The following IL12RB1 variants were observed in gnomAD, a reference collection of about 807,000 sequenced individuals.
IL12RB1 encodes the protein interleukin 12 receptor subunit beta 1.
IL12RB1 carries 64 observed loss-of-function variants against 94.4 expected under a neutral mutation model. That is an observed-to-expected ratio of 0.68 (90% CI 0.55 to 0.83). The LOEUF (loss-of-function observed/expected upper bound fraction) is 0.83. Ranked by LOEUF, IL12RB1 falls within the 40% of genes least tolerant of loss-of-function variation. IL12RB1 has a pLI of 0.00. For synonymous variants in IL12RB1, 362 were observed against 355.5 expected, an observed-to-expected ratio of 1.02 and a Z score of -0.21; for missense variants, 814 against 855.6, an observed-to-expected ratio of 0.95 and a Z score of 0.61.
Position 18,068,437 on chromosome 19 carries a change from G to A in IL12RB1, c.1279C>T (p.Leu427Phe), listed in dbSNP as rs770296365. ...GACAGGACCGTAGACCACAAGGTGAGCTTCTCGGGGTGCGCAGAGGCAAAG... is the reference window on the plus strand; with the variant it reads ...GACAGGACCGTAGACCACAAGGTGAACTTCTCGGGGTGCGCAGAGGCAAAG... ...TIFASAHPEK[L>F]TLWSTVLSTY... The change falls in exon 11 of 17, where the codon CTC (leucine) becomes TTC (phenylalanine). Residue 427 changes from leucine to phenylalanine, a missense_variant. Transcript: ENST00000593993. 1 of 1,613,528 alleles carries A rather than the reference G, an allele frequency of 6.2e-7. No homozygotes were observed. Among genetic ancestry groups the A allele is most frequent in the Non-Finnish European group, 8.5e-7 (1 of 1,179,610 alleles).
At position 18,059,223 on chromosome 19, in the gene IL12RB1, C is replaced by A; in HGVS notation, c.*385G>T. 6.5e-6 allele frequency: 2 copies of A among 305,846 alleles called. No individual in the cohort carries two copies. The highest frequency in any genetic ancestry group is 1.3e-5 in the Non-Finnish European group (2 of 158,756). 18.9% of individuals were successfully genotyped at this position (305,846 alleles called of 1,614,324 possible). A position where few individuals can be genotyped will look rare whatever the true frequency, so the allele number is the denominator to read the frequency against. On this transcript the variant is annotated 3_prime_UTR_variant, in exon 17 of 17. Transcript: ENST00000593993. ...CCCTTCCCTATATGCCTGGATCCTC[C>A]AAGCTACAAGACCCCGCAATGCTGC...
chr19:18,059,678 G>A, intron 16 of IL12RB1, 65 bp from the exon 17 acceptor site: 2 of 778,396 alleles, frequency 2.6e-6, no homozygotes, highest in South Asian at 2.7e-5. Context: ...AGGGAATCAT[G>A]TGAGTGGATG....
chr19:18,089,616 C>G (rs995745019), upstream of IL12RB1, among the ~76,000 whole-genome samples: 3 of 141,254 alleles, frequency 2.1e-5, no homozygotes, highest in African/African-American at 8.0e-5. Context: ...GAGAGTGAGA[C>G]TATGTCTCAA....
intron 1 of IL12RB1, among the ~76,000 whole-genome samples, chr19:18,093,426 C>A (rs1047287214): frequency 6.6e-6 from 1 of 151,848 alleles, no homozygotes. Flanking sequence ...TCAGTCCAGT[C>A]AGTCACTCAA....
intron 4 of IL12RB1, among the ~76,000 whole-genome samples, chr19:18,079,648 G>A (rs961640840): frequency 4.6e-5 from 7 of 151,772 alleles, no homozygotes; most frequent in East Asian, 1.9e-4. Context: ...GGTGGCTCAC[G>A]CCTGTAATCC....
intron 1 of IL12RB1, among the ~76,000 whole-genome samples, chr19:18,086,224 G>GTAAA (rs71833814): frequency 0.022 from 3,119 of 140,742 alleles, 54 homozygotes; most frequent in Non-Finnish European, 0.029. Flanking sequence ...CCCTACCTCA[G>GTAAA]TAAATAAATA....
chr19:18,081,070 A>G (rs1002166711), intron 3 of IL12RB1, 69 bp from the exon 4 acceptor site: 10 of 1,368,870 alleles, frequency 7.3e-6, no homozygotes, highest in Non-Finnish European at 9.2e-6. Context: ...GACTTTGTGC[A>G]TCACATCCCA....
intron 1 of IL12RB1, chr19:18,097,723 C>A: frequency 9.3e-7 from 1 of 1,077,002 alleles, no homozygotes; most frequent in Non-Finnish European, 1.2e-6. Flanking sequence ...TGGCCAATGG[C>A]ACCTGGCGGC....
intron 4 of IL12RB1, among the ~76,000 whole-genome samples, chr19:18,079,776 A>G (rs1291174157): frequency 6.6e-6 from 1 of 152,200 alleles, no homozygotes; most frequent in East Asian, 2.0e-4. Flanking sequence ...GGGCGCCTGT[A>G]GTCCCAGCTA....
intron 11 of IL12RB1, among the ~76,000 whole-genome samples, chr19:18,066,986 C>T (rs2034628819): frequency 6.6e-6 from 1 of 150,690 alleles, no homozygotes. Context: ...AAGATGGCAC[C>T]ACTGCACTCC....
At chr19:18,077,408 G>A (rs1045683982) in intron 5 of IL12RB1, 108 bp downstream of exon 5, 2 of 843,010 alleles carry the variant, frequency 2.4e-6, no homozygotes, top group Non-Finnish European at 4.0e-6. Context: ...GGGCTAGAGT[G>A]GGGGCTGGTT....
chr19:18,097,166 AT>A (rs1274456774), intron 1 of IL12RB1, among the ~76,000 whole-genome samples: 1 of 151,660 alleles, frequency 6.6e-6, no homozygotes, highest in Non-Finnish European at 1.5e-5. Flanking sequence ...TACTGGGCAC[AT>A]TTTTTGTTGT....
Position 18,072,204 on chromosome 19 carries a change from G to T in IL12RB1, c.929C>A (p.Ser310Ter). The T allele has an allele frequency of 6.2e-7, 1 of 1,614,098 alleles. No individual in the cohort carries two copies. The highest frequency in any genetic ancestry group is 8.5e-7 in the Non-Finnish European group (1 of 1,179,974). ...TLHLGKMPYL[S>*]GAAYNVAVIS... ...GACAGCCACGTTGTAGGCAGCACCCGAGAGATAGGGCATCTTCCCCAGGTG... is the reference window on the plus strand; with the variant it reads ...GACAGCCACGTTGTAGGCAGCACCCTAGAGATAGGGCATCTTCCCCAGGTG... The change falls in exon 9 of 17, where the codon TCG becomes TAG. Residue 310 changes from serine to a stop codon, truncating the protein, a stop_gained. Transcript: ENST00000593993. LOFTEE classifies it high-confidence loss of function.
rs754415781 is a variant in IL12RB1 at position 18,080,987 on chromosome 19, C to T, written c.254G>A (p.Arg85His). 1.3e-5 allele frequency: 21 copies of T among 1,612,358 alleles called. No individual in the cohort carries two copies. The highest frequency in any genetic ancestry group is 1.8e-4 in the Middle Eastern group (1 of 5,648). The change falls in exon 4 of 17, where the codon CGC (arginine) becomes CAC (histidine). Residue 85 changes from arginine to histidine, a missense_variant. Transcript: ENST00000593993. ...TGAGCCGGCGGCGAAGTAGCAGCAG[C>T]GCCCGGAGCTAAGGCTGCAGCAGGA... ...HFLRCCLSSG[R>H]CCYFAAGSAT...
At position 18,068,302 on chromosome 19, in the gene IL12RB1, A is replaced by C. The variant is rs567872726; in HGVS notation, c.1327+87T>G. 8.0e-5 allele frequency: 89 copies of C among 1,108,528 alleles called. No individual in the cohort carries two copies. The East Asian group carries it at 2.2e-3, about 28-fold the overall frequency. The allele number at this position is 1,108,528 out of a possible 1,614,324, so 68.7% of individuals were successfully genotyped here. On this transcript the variant is annotated intron_variant, in intron 11 of 16. Coordinates refer to ENST00000593993, the MANE Select transcript of IL12RB1 (RefSeq NM_005535.3). ...TGGCCTCCCAAAGTGCTGGGATTAC[A>C]TGCGTGAGTCACTGTGCCCAGCCTC...
In IL12RB1 at chr19:18,059,368, C is replaced by G. The variant is rs1354430985; in HGVS notation, c.*240G>C. On this transcript the variant is annotated 3_prime_UTR_variant, in exon 17 of 17. Transcript: ENST00000593993. Reference sequence around the variant, plus strand: ...ATTCCCAGTCCATTCTACGCCAGAACAGGTAAATGGCAGGGTCTGCTCCTG... The same window carrying G: ...ATTCCCAGTCCATTCTACGCCAGAAGAGGTAAATGGCAGGGTCTGCTCCTG... The G allele has an allele frequency of 1.7e-6, 1 of 600,516 alleles. No individual in the cohort carries two copies. The highest frequency in any genetic ancestry group is 3.0e-6 in the Non-Finnish European group (1 of 335,272). 37.2% of individuals were successfully genotyped at this position (600,516 alleles called of 1,614,324 possible).
intron 7 of IL12RB1, among the ~76,000 whole-genome samples, chr19:18,074,765 C>A (rs994613246): frequency 6.7e-6 from 1 of 149,626 alleles, no homozygotes; most frequent in African/African-American, 2.5e-5. Flanking sequence ...CAAAAAATAG[C>A]AGTAGGCCGG....
At chr19:18,073,919 G>C (rs2035260648) in intron 7 of IL12RB1, among the ~76,000 whole-genome samples, 1 of 152,186 alleles carries the variant, frequency 6.6e-6, no homozygotes, top group Admixed American at 6.5e-5. Context: ...CTGCCTTCTG[G>C]GTTCAAGCGA....
upstream of IL12RB1, among the ~76,000 whole-genome samples, chr19:18,089,348 G>C (rs913921039): frequency 6.6e-6 from 1 of 152,064 alleles, no homozygotes; most frequent in East Asian, 1.9e-4. Flanking sequence ...TTTCCGGCCC[G>C]GGCGCGGTGG....
Sources: gnomAD v4.1 joint callset for allele counts (sites outside exome capture counted in the v4.1 genomes callset) on GRCh38, gnomAD v4.1.1 for gene constraint, MANE v1.5 for transcripts, NCBI Gene and HGNC (gene_info 2026-07-23, HGNC 2026-07-21) for gene names.